CHTF18: variants seen among roughly 807,000 people sequenced by gnomAD.
The protein encoded by CHTF18 is chromosome transmission fidelity factor 18.
In CHTF18, 151 loss-of-function variants were observed where a neutral mutation model predicts 113.4. The ratio of observed to expected loss-of-function variants is 1.33; its 90% CI spans 1.17 to 1.52. The LOEUF is 1.52. CHTF18 is among the 40% of genes most tolerant of loss of function. The pLI is 0.00. For synonymous variants in CHTF18, 916 were observed against 598.8 expected, an observed-to-expected ratio of 1.53 and a Z score of -7.74; for missense variants, 1,982 against 1,381.6, an observed-to-expected ratio of 1.43 and a Z score of -6.89.
chr16:796,170 C>T, intron 18 of CHTF18, 93 bp downstream of exon 18: 2 of 1,492,298 alleles, frequency 1.3e-6, no homozygotes, highest in Non-Finnish European at 1.8e-6. Flanking sequence ...AGTCTGAAAG[C>T]ACGGTCATGG....
rs748653954 is a variant in CHTF18, at chr16:797,082, G to A, written c.2723G>A (p.Arg908Gln). The A allele has an allele frequency of 2.0e-5, 31 of 1,527,218 alleles. No individual in the cohort carries two copies. The highest frequency in any genetic ancestry group is 3.8e-5 in the South Asian group (3 of 78,042). The allele number at this position is 1,527,218 out of a possible 1,614,324, so 94.6% of individuals were successfully genotyped here. ...RLEHIMRRAAREEQPEKDFFG... is the reference protein window; with the variant it reads ...RLEHIMRRAAQEEQPEKDFFG... ...GAGCACATCATGAGGCGAGCGGCCC[G>A]GGAGGAACAGGTGTGGAATGGGCAG... Residue 908 changes from arginine (R) to glutamine (Q), a missense_variant, in exon 20 of 22, where the codon CGG (arginine) becomes CAG (glutamine). By Grantham distance (43) the Arg-to-Gln change is conservative. Transcript: ENST00000262315.
At chr16:797,313 CACCCATGGGGTGGGGCCAGGGT>C (rs1022723139) in intron 20 of CHTF18, among the ~76,000 whole-genome samples, 7 of 150,924 alleles carry the variant, frequency 4.6e-5, no homozygotes, top group Non-Finnish European at 7.4e-5. Context: ...GGGGCCAAGG[CACCCATGGGGTGGGGCCAGGGT>C]ACCTTTGGGG....
In CHTF18 at chr16:797,657, C is replaced by G. The variant is rs770056234; in HGVS notation, c.2734-37C>G. ...CTTGGGTAGGGGCTGGATGGGGCAT[C>G]TGTCCTATACGACTGACTAGTCCTT... is the stretch of plus-strand genomic sequence containing the variant. On this transcript the variant is annotated intron_variant, in intron 20 of 21. Transcript: ENST00000262315. 24 of 1,607,570 alleles carry G rather than the reference C, an allele frequency of 1.5e-5. No homozygotes were observed. The East Asian group carries it at 4.7e-4, about 31-fold the overall frequency.
In CHTF18 at chr16:792,484, C is replaced by G; in HGVS notation, c.1372C>G (p.Gln458Glu). Residue 458 changes from glutamine (Q) to glutamate (E), a missense_variant, in exon 11 of 22, where the codon CAG becomes GAG. Physicochemically the swap from Gln to Glu is conservative, Grantham distance 29. Coordinates refer to ENST00000262315, the MANE Select transcript of CHTF18 (RefSeq NM_022092.3). ...LLSILNRKGP[Q>E]EVGPQGPAVP... ...GAGCATCCTGAACCGCAAGGGGCCA[C>G]AGGAGGTGGGGCCACAGGGCCCGGC... 6.3e-7 allele frequency: 1 copy of G among 1,589,826 alleles called. No homozygotes were observed. Among genetic ancestry groups the G allele is most frequent in the South Asian group, 1.1e-5 (1 of 88,394 alleles).
In CHTF18 at chr16:795,387, C is replaced by T. The variant is rs765561038; in HGVS notation, c.2175+31C>T. ...CTCGTCCCTGCACCACGCCTGCCCC[C>T]GGCCCCGTGCCCGCCCCCCTGTGCT... On this transcript the variant is annotated intron_variant, in intron 16 of 21. Transcript: ENST00000262315. The T allele has an allele frequency of 2.6e-5, 40 of 1,519,308 alleles. 1 individual carries two copies. The East Asian group carries it at 3.2e-4, about 12-fold the overall frequency. The allele number at this position is 1,519,308 out of a possible 1,614,324, so 94.1% of individuals were successfully genotyped here.
rs201291378 is a variant in CHTF18, at chr16:797,720, G to A, written c.2760G>A (p.Val920=). ...CTGAGAAGGACTTCTTTGGACGTGT[G>A]GTCGTCAGGAGCACAGCAGTCCCGA... The part of the protein sequence containing the change: ...EQPEKDFFGR[V]VVRSTAVPSA... Residue 920 remains valine, a synonymous_variant, in exon 21 of 22, where the codon GTG becomes GTA. Coordinates refer to ENST00000262315, the MANE Select transcript of CHTF18 (RefSeq NM_022092.3). 6.2e-7 allele frequency: 1 copy of A among 1,611,530 alleles called. No homozygotes were observed. The highest frequency in any genetic ancestry group is 1.3e-5 in the African/African-American group (1 of 74,836).
chr16:793,296 G>A lies in CHTF18; in HGVS notation c.1802+22G>A, dbSNP rs764725709. 1.7e-4 allele frequency: 276 copies of A among 1,603,632 alleles called. 1 individual carries two copies. Among genetic ancestry groups the A allele is most frequent in the South Asian group, 1.0e-4 (9 of 89,744 alleles). On this transcript the variant is annotated intron_variant, in intron 14 of 21. Coordinates refer to ENST00000262315, the MANE Select transcript of CHTF18 (RefSeq NM_022092.3). ...AGAGGTAGGCGGTGGCCACAGCCTC[G>A]GCCCAGATGCTCACGGTGCCCGGAC...
chr16:792,699 C>G lies in CHTF18; in HGVS notation c.1479-19C>G. ...GTGGTGCCAACCCTGGGGTCCCTGG[C>G]CCTGCCGCCTCTCCTCAGGTTCGCA... On this transcript the variant is annotated intron_variant, in intron 11 of 21. Transcript: ENST00000262315. The G allele has an allele frequency of 6.4e-7, 1 of 1,572,994 alleles. No individual in the cohort carries two copies. The highest frequency in any genetic ancestry group is 8.6e-7 in the Non-Finnish European group (1 of 1,164,280).
chr16:795,043 T>G (rs1596766365), intron 15 of CHTF18, 89 bp from the exon 16 acceptor site: 2 of 1,056,360 alleles, frequency 1.9e-6, no homozygotes, highest in Non-Finnish European at 2.7e-6. Context: ...CAGGCAGGAG[T>G]GGAGGGTCTG....
At chr16:790,794 T>C in intron 7 of CHTF18, 128 bp downstream of exon 7, 1 of 1,434,636 alleles carries the variant, frequency 7.0e-7, no homozygotes, top group Non-Finnish European at 9.1e-7. Flanking sequence ...TGGTTTGCCC[T>C]TTTGAGTTGT....
Position 791,033 on chromosome 16 carries a change from AGACG to A in CHTF18, c.895-126_895-123del, listed in dbSNP as rs1286083582. 1.4e-5 allele frequency: 20 copies of A among 1,481,362 alleles called. No individual in the cohort carries two copies. The Admixed American group carries it at 4.0e-4, about 30-fold the overall frequency. 91.8% of individuals were successfully genotyped at this position (1,481,362 alleles called of 1,614,324 possible). A position where few individuals can be genotyped will look rare whatever the true frequency, so the allele number is the denominator to read the frequency against. ...GCCTTGCGGTCACTCGCTGGCAGGA[AGACG>A]GGGGTGGCCATTCATCCTGTGGCTT... On this transcript the variant is annotated intron_variant, in intron 7 of 21. Transcript: ENST00000262315.
At chr16:793,709 T>C (rs2042263600) in intron 14 of CHTF18, 5 of 631,674 alleles carry the variant, frequency 7.9e-6, no homozygotes, top group Non-Finnish European at 1.5e-5. Context: ...CAGGGGATGC[T>C]GGCCTGGTCG....
In CHTF18 at chr16:789,652, A is replaced by T; in HGVS notation, c.543A>T (p.Thr181=). Residue 181 remains threonine, a synonymous_variant, in exon 4 of 22, where the codon ACA becomes ACT. Coordinates refer to ENST00000262315, the MANE Select transcript of CHTF18 (RefSeq NM_022092.3). ...PPILEDYVHV[T]STEGVRAYLV... ...TCTTGGAGGACTACGTCCACGTGAC[A>T]TCCACGGAGGGCGTCCGGGCTTATC... 6.2e-7 allele frequency: 1 copy of T among 1,605,936 alleles called. No homozygotes were observed. The highest frequency in any genetic ancestry group is 8.5e-7 in the Non-Finnish European group (1 of 1,179,704).
In CHTF18 at chr16:793,069, G is replaced by A. The variant is rs1375329226; in HGVS notation, c.1671+5G>A. 6.4e-7 allele frequency: 1 copy of A among 1,563,230 alleles called. No homozygotes were observed. On this transcript the variant is annotated splice_donor_5th_base_variant and intron_variant, in intron 13 of 21. Coordinates refer to ENST00000262315, the MANE Select transcript of CHTF18 (RefSeq NM_022092.3). The stretch of plus-strand genomic sequence containing the variant: ...GCCTGCATCAACACCCTGCAGGTGG[G>A]CGGCCGGCAGGCACCGGGTGGGGTG...
intron 4 of CHTF18, chr16:789,938 C>T (rs953273143): frequency 1.2e-5 from 18 of 1,499,790 alleles, no homozygotes; most frequent in Middle Eastern, 1.7e-4. Flanking sequence ...GAGAGGGCCT[C>T]CTTGCTTCCC....
rs1363343154 is a variant in CHTF18 at position 796,805 on chromosome 16, G to A, written c.2545G>A (p.Glu849Lys). Residue 849 changes from glutamate to lysine, a missense_variant, in exon 19 of 22, where the codon GAG becomes AAG. Physicochemically the swap from Glu to Lys is moderately conservative, Grantham distance 56 (BLOSUM62 1). Coordinates refer to ENST00000262315, the MANE Select transcript of CHTF18 (RefSeq NM_022092.3). Reference sequence around the variant, plus strand: ...GAAGCAGCTCATCGCCCGCGAGATCGAGGTGGAGAAGATGCGGCGGGCGGA... The same window carrying A: ...GAAGCAGCTCATCGCCCGCGAGATCAAGGTGGAGAAGATGCGGCGGGCGGA... ...QTKQLIAREI[E>K]VEKMRRAEAS... is the part of the protein sequence containing the mutation. 7.4e-6 allele frequency: 12 copies of A among 1,611,458 alleles called. No homozygotes were observed. Among genetic ancestry groups the A allele is most frequent in the African/African-American group, 4.0e-5 (3 of 74,906 alleles).
At chr16:793,604 G>A in intron 14 of CHTF18, 1 of 540,516 alleles carries the variant, frequency 1.9e-6, no homozygotes. Context: ...ATTTGGCCTG[G>A]GCTGTGGTCT....
chr16:788,924 CCA>C lies in CHTF18; in HGVS notation c.92-6_92-5del, dbSNP rs777661541. On this transcript the variant is annotated splice_polypyrimidine_tract_variant and splice_region_variant and intron_variant, in intron 1 of 21. Coordinates refer to ENST00000262315, the MANE Select transcript of CHTF18 (RefSeq NM_022092.3). ...GGGCGGCCGCTGACAATCTCCTCTC[CCA>C]GCAGGGGCGTCGACTCCGTCGCCCT... is the stretch of plus-strand genomic sequence containing the variant. 10 of 1,536,306 alleles carry C rather than the reference CCA, an allele frequency of 6.5e-6. No homozygotes were observed. Among genetic ancestry groups the C allele is most frequent in the Non-Finnish European group, 8.7e-6 (10 of 1,151,406 alleles).
Position 792,709 on chromosome 16 carries a change from TCTC to T in CHTF18, c.1479-5_1479-3del, listed in dbSNP as rs1336661926. ...CCCTGGGGTCCCTGGCCCTGCCGCC[TCTC>T]CTCAGGTTCGCACCGTCCCTGCGGC... On this transcript the variant is annotated splice_polypyrimidine_tract_variant and splice_region_variant and intron_variant, in intron 11 of 21. Transcript: ENST00000262315. 10 of 1,567,580 alleles carry T rather than the reference TCTC, an allele frequency of 6.4e-6. No individual in the cohort carries two copies. In the Admixed American group the frequency reaches 1.1e-4, roughly 17 times the overall value.
Sources: allele counts gnomAD v4.1 joint callset (sites outside exome capture counted in the v4.1 genomes callset), GRCh38; gene constraint gnomAD v4.1.1; transcripts MANE v1.5; gene names NCBI Gene and HGNC (gene_info 2026-07-23, HGNC 2026-07-21).